The following ADGRB3 variants were observed in gnomAD, a reference collection of about 807,000 sequenced individuals.
ADGRB3 encodes adhesion G protein-coupled receptor B3.
Under a neutral mutation model 193.4 loss-of-function variants are expected in ADGRB3, and 37 were observed. The observed-to-expected ratio is 0.19, with a 90% CI of 0.15 to 0.25. The LOEUF (loss-of-function observed/expected upper bound fraction) is 0.25, where lower values mean the gene tolerates loss of function less well. ADGRB3 is among the 10% of genes least tolerant of loss of function. ADGRB3 has a pLI of 1.00. For synonymous variants in ADGRB3, 690 were observed against 644.2 expected (o/e 1.07, Z -1.08); for missense variants, 1,637 against 1,852.9 (o/e 0.88, Z 2.14).
chr6:68,805,299 A>G (rs1767381791), intron 3 of ADGRB3, among the ~76,000 whole-genome samples: 1 of 152,196 alleles, frequency 6.6e-6, no homozygotes, highest in Admixed American at 6.5e-5. Flanking sequence ...CCATCTTTAG[A>G]TGAATCTGTA....
chr6:69,010,133 G>A (rs1035696918), intron 11 of ADGRB3, among the ~76,000 whole-genome samples: 11 of 151,830 alleles, frequency 7.2e-5, no homozygotes, highest in South Asian at 4.2e-4. Flanking sequence ...TAATACTTCC[G>A]GCAAAGAAAG....
chr6:69,323,910 GT>G (rs1356968923), intron 20 of ADGRB3, among the ~76,000 whole-genome samples: 1 of 151,702 alleles, frequency 6.6e-6, no homozygotes, highest in East Asian at 1.9e-4. Flanking sequence ...CTTTGTATTG[GT>G]TTTTTTTACA....
chr6:69,048,049 TA>T, intron 13 of ADGRB3, 135 bp from the exon 14 acceptor site: 1 of 942,862 alleles, frequency 1.1e-6, no homozygotes, highest in African/African-American at 1.7e-5. Context: ...AGACATAAGT[TA>T]TTTTGTTGCT....
chr6:69,218,931 A>G (rs1291411861), intron 17 of ADGRB3, among the ~76,000 whole-genome samples: 2 of 152,112 alleles, frequency 1.3e-5, no homozygotes, highest in African/African-American at 2.4e-5. Context: ...GTAAAAAGGT[A>G]CAGAAGCCAC....
chr6:69,208,486 G>A (rs1765585096), intron 17 of ADGRB3, among the ~76,000 whole-genome samples: 1 of 152,132 alleles, frequency 6.6e-6, no homozygotes, highest in Non-Finnish European at 1.5e-5. Context: ...ATATAACCAG[G>A]TGCACTGCTC....
chr6:69,127,522 T>C (rs551745367), intron 17 of ADGRB3, among the ~76,000 whole-genome samples: 2 of 152,312 alleles, frequency 1.3e-5, no homozygotes, highest in East Asian at 3.9e-4. Flanking sequence ...AGTAACTGAG[T>C]GACTTGGGAC....
At chr6:69,251,134 G>T (rs1213902837) in intron 20 of ADGRB3, among the ~76,000 whole-genome samples, 1 of 152,288 alleles carries the variant, frequency 6.6e-6, no homozygotes, top group South Asian at 2.1e-4. Context: ...TTTCAAAAGC[G>T]TCTCATCAAT....
chr6:68,795,201 C>T (rs1056125841), intron 3 of ADGRB3, among the ~76,000 whole-genome samples: 14 of 151,896 alleles, frequency 9.2e-5, no homozygotes, highest in Admixed American at 5.9e-4. Context: ...ATGTATATGT[C>T]ACTGGAAACT....
chr6:69,233,090 C>G, intron 17 of ADGRB3, 200 bp from the exon 18 acceptor site: 1 of 715,420 alleles, frequency 1.4e-6, no homozygotes, highest in Non-Finnish European at 2.2e-6. Flanking sequence ...GCACCGCCGC[C>G]TGCTTGCTTT....
intron 3 of ADGRB3, among the ~76,000 whole-genome samples, chr6:68,814,461 T>C (rs1767585276): frequency 6.6e-6 from 1 of 152,348 alleles, no homozygotes; most frequent in South Asian, 2.1e-4. Flanking sequence ...CTTTGTCAGA[T>C]GAGTAGACTG....
chr6:69,307,710 G>A (rs1485341588), intron 20 of ADGRB3, among the ~76,000 whole-genome samples: 1 of 151,190 alleles, frequency 6.6e-6, no homozygotes, highest in Non-Finnish European at 1.5e-5. Context: ...CATGTCTTGG[G>A]TTCAAGATCT....
At chr6:68,809,717 G>A (rs9454622) in intron 3 of ADGRB3, among the ~76,000 whole-genome samples, 120,340 of 152,108 alleles carry the variant, frequency 0.79, 47,829 homozygotes, top group Middle Eastern at 0.91. Context: ...TGATGAAAAA[G>A]TGATTAATTA....
intron 3 of ADGRB3, among the ~76,000 whole-genome samples, chr6:68,740,506 C>A (rs1765958321): frequency 1.3e-5 from 2 of 152,026 alleles, no homozygotes; most frequent in Non-Finnish European, 2.9e-5. Context: ...GTATCAATAA[C>A]CTTGGATGAG....
chr6:68,843,570 C>T (rs148650953), intron 3 of ADGRB3, among the ~76,000 whole-genome samples: 1,599 of 151,608 alleles, frequency 0.011, 26 homozygotes, highest in African/African-American at 0.037. Context: ...TTGGAAGAAT[C>T]GATATTGTTT....
intron 20 of ADGRB3, among the ~76,000 whole-genome samples, chr6:69,316,751 A>T (rs1768321147): frequency 6.6e-6 from 1 of 151,506 alleles, no homozygotes; most frequent in Non-Finnish European, 1.5e-5. Context: ...AAAAGAGGAG[A>T]GCAGGTAATA....
At chr6:69,116,045 C>A (rs572663521) in intron 17 of ADGRB3, among the ~76,000 whole-genome samples, 1 of 152,260 alleles carries the variant, frequency 6.6e-6, no homozygotes, top group Admixed American at 6.5e-5. Context: ...AAGTTGCAGT[C>A]TTGAGTTCAA....
rs904406257 is a variant in ADGRB3 at position 69,189,826 on chromosome 6, G to A, written c.2481-43464G>A. ...GAAAGGTCCTTTGCAGAATGTAACC[G>A]TAGTAATGTTGTATACCATTATGCC... On this transcript the variant is annotated intron_variant, in intron 17 of 31. Coordinates refer to ENST00000370598, the MANE Select transcript of ADGRB3 (RefSeq NM_001704.3). Among the ~76,000 whole-genome samples the A allele has an allele frequency of 5.3e-5, 8 of 152,134 alleles. No homozygotes were observed. In the East Asian group the frequency reaches 7.7e-4, roughly 15 times the overall value.
chr6:69,263,857 C>T (rs1766978409), intron 20 of ADGRB3, among the ~76,000 whole-genome samples: 1 of 151,942 alleles, frequency 6.6e-6, no homozygotes, highest in African/African-American at 2.4e-5. Flanking sequence ...TTGATCAAAG[C>T]AAATACAGTG....
At chr6:68,976,954 T>G (rs775762551) in intron 10 of ADGRB3, among the ~76,000 whole-genome samples, 3 of 147,856 alleles carry the variant, frequency 2.0e-5, no homozygotes, top group Non-Finnish European at 3.0e-5. Flanking sequence ...AAATATATAT[T>G]TTTTTATATT....
Sources: allele counts gnomAD v4.1 joint callset (sites outside exome capture counted in the v4.1 genomes callset), GRCh38; gene constraint gnomAD v4.1.1; transcripts MANE v1.5; gene names NCBI Gene and HGNC (gene_info 2026-07-23, HGNC 2026-07-21).